Variants in ESR1 observed in about 807,000 individuals in gnomAD.
ESR1 encodes estrogen receptor.
A neutral mutation model predicts 52.7 loss-of-function variants in ESR1; 12 were observed. The observed-to-expected ratio is 0.23, with a 90% confidence interval of 0.15 to 0.37. ESR1 has a LOEUF of 0.37. Among genes scored for constraint, ESR1 ranks in the 10% least tolerant of loss-of-function variants. The probability of loss-of-function intolerance (pLI) is 1.00; values close to 1 mark genes in which losing one functional copy is unlikely to be tolerated. For synonymous variants in ESR1, 305 were observed against 316.8 expected, an observed-to-expected ratio of 0.96 and a Z score of 0.39; for missense variants, 584 against 779.7, an observed-to-expected ratio of 0.75 and a Z score of 2.99.
intron 2 of ESR1, among the ~76,000 whole-genome samples, chr6:151,857,815 T>C (rs1788138848): frequency 6.6e-6 from 1 of 152,120 alleles, no homozygotes; most frequent in Non-Finnish European, 1.5e-5. Context: ...AGATGTGAGC[T>C]ACCACACCCA....
At chr6:151,907,437 T>A (rs1210939839) in intron 3 of ESR1, among the ~76,000 whole-genome samples, 1 of 152,108 alleles carries the variant, frequency 6.6e-6, no homozygotes, top group Non-Finnish European at 1.5e-5. Flanking sequence ...CTCATAGCTG[T>A]CTCATCTTAC....
rs184185062 is a variant in ESR1, at chr6:151,692,804, C to T, written c.-202+2140C>T. ...GTACACATCATTGAGTTTTATCGTT[C>T]TATCTAAGGCGTATAACATTTTTCT... On this transcript the variant is annotated intron_variant, in intron 1 of 2. Coordinates refer to the ESR1 transcript ENST00000404742. Among the ~76,000 whole-genome samples the T allele has an allele frequency of 2.1e-3, 313 of 152,304 alleles. 2 individuals carry two copies. Among genetic ancestry groups the T allele is most frequent in the African/African-American group, 7.2e-3 (298 of 41,570 alleles).
intron 2 of ESR1, among the ~76,000 whole-genome samples, chr6:151,874,946 C>T (rs1791564852): frequency 6.6e-6 from 1 of 152,010 alleles, no homozygotes. Flanking sequence ...TAAAATGAAC[C>T]ATATTAAAAT....
In ESR1 at chr6:152,101,335, T is replaced by G. The variant is rs911164362; in HGVS notation, c.*2369T>G. The G allele has an allele frequency of 1.3e-5, 3 of 232,556 alleles. No homozygotes were observed. Among genetic ancestry groups the G allele is most frequent in the Non-Finnish European group, 2.6e-5 (3 of 117,506 alleles). The allele number at this position is 232,556 out of a possible 1,614,324, so 14.4% of individuals were successfully genotyped here. A position where few individuals can be genotyped will look rare whatever the true frequency, so the allele number is the denominator to read the frequency against. The stretch of plus-strand genomic sequence containing the variant: ...AGCTAATGGGTCAGTGGGTTCTTTT[T>G]AATGTTTATACTTAGATTTTCTTTT... On this transcript the variant is annotated 3_prime_UTR_variant, in exon 8 of 8. Transcript: ENST00000206249.
chr6:152,059,254 G>A (rs2047355325), intron 5 of ESR1, among the ~76,000 whole-genome samples: 1 of 151,896 alleles, frequency 6.6e-6, no homozygotes, highest in South Asian at 2.1e-4. Context: ...AAGCATGGAA[G>A]TATACTAGAA....
chr6:151,910,003 C>T (rs563181280), intron 3 of ESR1, among the ~76,000 whole-genome samples: 2 of 151,860 alleles, frequency 1.3e-5, no homozygotes, highest in South Asian at 4.2e-4. Context: ...ATGCTGTAAC[C>T]AATTATCATT....
rs1361389325 is a variant in ESR1 at position 151,947,774 on chromosome 6, GA to G, written c.1096+3267del. On this transcript the variant is annotated intron_variant, in intron 4 of 7. Transcript: ENST00000206249. Reference sequence around the variant, plus strand: ...ACTTCTGGTAGACCTGGATAAAGATGACCTTAAGAAATGATTTTTTTTCTCT... The same window carrying G: ...ACTTCTGGTAGACCTGGATAAAGATGCCTTAAGAAATGATTTTTTTTCTCT... 3.3e-5 allele frequency among the ~76,000 whole-genome samples: 5 copies of G among 152,178 alleles called. No homozygotes were observed. The East Asian group carries it at 9.7e-4, about 29-fold the overall frequency.
At chr6:151,932,480 G>A (rs1236311965) in intron 3 of ESR1, among the ~76,000 whole-genome samples, 44 of 129,906 alleles carry the variant, frequency 3.4e-4, no homozygotes, top group African/African-American at 1.3e-3. Flanking sequence ...TGTCAATTTT[G>A]GCTTTTGTTG....
chr6:151,850,009 T>TTTATATATATATAA (rs1562473842), intron 2 of ESR1, among the ~76,000 whole-genome samples: 11 of 92,820 alleles, frequency 1.2e-4, no homozygotes, highest in East Asian at 8.4e-4. Flanking sequence ...TATATATAAT[T>TTTATATATATATAA]TTGTATATAT....
intron 6 of ESR1, among the ~76,000 whole-genome samples, chr6:152,109,759 A>G (rs547163422): frequency 1.3e-5 from 2 of 152,350 alleles, no homozygotes; most frequent in South Asian, 4.1e-4. Flanking sequence ...CTGAGACCAG[A>G]GAAAAGATGT....
At chr6:152,080,479 G>A (rs1230634597) in intron 6 of ESR1, among the ~76,000 whole-genome samples, 1 of 152,172 alleles carries the variant, frequency 6.6e-6, no homozygotes, top group East Asian at 1.9e-4. Context: ...CACCAGGCCT[G>A]CCTTAGAAGA....
At position 151,845,775 on chromosome 6, in the gene ESR1, A is replaced by G. The variant is rs137858417; in HGVS notation, c.643+2988A>G. ...ATAAATATTGAGTCCAAAGTTCTGG[A>G]AGAAGCCTAGAAAGAAGGCAGAGTT... is the stretch of plus-strand genomic sequence containing the variant. On this transcript the variant is annotated intron_variant, in intron 2 of 7. Transcript: ENST00000206249. Among the ~76,000 whole-genome samples the G allele has an allele frequency of 1.9e-3, 287 of 152,276 alleles. 1 individual carries two copies. The highest frequency in any genetic ancestry group is 6.7e-3 in the African/African-American group (277 of 41,554).
intron 6 of ESR1, among the ~76,000 whole-genome samples, chr6:152,075,293 C>T (rs539154467): frequency 6.6e-6 from 1 of 152,260 alleles, no homozygotes; most frequent in South Asian, 2.1e-4. Flanking sequence ...GGTTTTTACT[C>T]TCAAAATGTT....
At chr6:151,964,873 A>G (rs1285424808) in intron 4 of ESR1, among the ~76,000 whole-genome samples, 1 of 152,050 alleles carries the variant, frequency 6.6e-6, no homozygotes, top group East Asian at 1.9e-4. Flanking sequence ...CGATCTCCTG[A>G]CCTCGTGATC....
chr6:151,969,183 GT>G (rs1562610833), intron 4 of ESR1, among the ~76,000 whole-genome samples: 2 of 152,158 alleles, frequency 1.3e-5, no homozygotes, highest in Non-Finnish European at 2.9e-5. Context: ...GTGTTGGGTT[GT>G]TGTTCCATCT....
chr6:151,894,055 G>A (rs1024394166), intron 3 of ESR1, among the ~76,000 whole-genome samples: 11 of 152,098 alleles, frequency 7.2e-5, no homozygotes, highest in African/African-American at 1.2e-4. Context: ...CCACACCAAC[G>A]TCTATTATTT....
exon 7 of ESR1, chr6:152,126,606 C>G (rs2053542721): frequency 6.6e-6 from 1 of 152,174 alleles, no homozygotes; most frequent in Non-Finnish European, 1.5e-5. Flanking sequence ...TGCTTATTTG[C>G]TACAAGTAAA....
chr6:152,118,679 T>G (rs2813548), intron 6 of ESR1, among the ~76,000 whole-genome samples: 36,606 of 151,754 alleles, frequency 0.24, 4,658 homozygotes, highest in African/African-American at 0.33. Flanking sequence ...GCTTAAAACC[T>G]AGATGATGGG....
chr6:151,811,048 C>T (rs1222867761), intron 1 of ESR1: 2 of 152,218 alleles, frequency 1.3e-5, no homozygotes, highest in Non-Finnish European at 2.9e-5. Context: ...GAGTGTCCCA[C>T]TGGATGTTCA....
Sources: gnomAD v4.1 joint callset for allele counts (sites outside exome capture counted in the v4.1 genomes callset) on GRCh38, gnomAD v4.1.1 for gene constraint, MANE v1.5 for transcripts, NCBI Gene and HGNC (gene_info 2026-07-23, HGNC 2026-07-21) for gene names.